CUBN: variants seen among roughly 807,000 people sequenced by gnomAD.
The protein encoded by CUBN is cubilin.
Under a neutral mutation model 405.3 loss-of-function variants are expected in CUBN, and 282 were observed. That is an observed-to-expected ratio of 0.70 (90% confidence interval 0.63 to 0.77). CUBN has a LOEUF of 0.77. Among genes scored for constraint, CUBN ranks in the 30% least tolerant of loss-of-function variants. The pLI is 0.00. For missense variants in CUBN, 4,514 were observed against 4,475.2 expected (o/e 1.01, Z -0.25); for synonymous variants, 1,684 against 1,617.0 (o/e 1.04, Z -0.99).
intron 33 of CUBN, among the ~76,000 whole-genome samples, chr10:16,952,037 C>T (rs1842935212): frequency 6.6e-6 from 1 of 152,062 alleles, no homozygotes; most frequent in Admixed American, 6.6e-5. Flanking sequence ...TTAACCTTTG[C>T]TAGGCCTTGA....
Position 17,104,455 on chromosome 10 carries a change from G to A in CUBN, c.1381C>T (p.Leu461Phe). 1 of 1,614,002 alleles carries A rather than the reference G, an allele frequency of 6.2e-7. No homozygotes were observed. Among genetic ancestry groups the A allele is most frequent in the East Asian group, 2.2e-5 (1 of 44,858 alleles). The change falls in exon 12 of 67, where the codon CTC (leucine) becomes TTC (phenylalanine). Residue 461 changes from leucine (L) to phenylalanine (F), a missense_variant. By Grantham distance (22) the Leu-to-Phe change is conservative. Coordinates refer to ENST00000377833, the MANE Select transcript of CUBN (RefSeq NM_001081.4). Reference sequence around the variant, plus strand: ...ACCTGACAGAGAGCTCCAGTCCAGAGACGTGTGCATTCACAACTGAAAGAA... The same window carrying A: ...ACCTGACAGAGAGCTCCAGTCCAGAAACGTGTGCATTCACAACTGAAAGAA... ...VDSFSCECTRLWTGALCQVPQ... is the reference protein window; with the variant it reads ...VDSFSCECTRFWTGALCQVPQ...
chr10:16,883,269 G>A (rs117358727), intron 56 of CUBN, among the ~76,000 whole-genome samples: 3,819 of 152,264 alleles, frequency 0.025, 66 homozygotes, highest in Non-Finnish European at 0.04. Context: ...ATACAGCTAA[G>A]TTCCATTGCG....
chr10:17,111,492 A>G (rs938077365), intron 8 of CUBN, among the ~76,000 whole-genome samples: 6 of 152,216 alleles, frequency 3.9e-5, no homozygotes, highest in African/African-American at 9.7e-5. Flanking sequence ...TCAATTATCA[A>G]TAGAAGCATA....
chr10:16,953,842 C>A (rs1842980596), intron 32 of CUBN, among the ~76,000 whole-genome samples: 1 of 146,252 alleles, frequency 6.8e-6, no homozygotes, highest in Non-Finnish European at 1.5e-5. Context: ...CAGAGAGAGA[C>A]CCTGTGGAAA....
intron 13 of CUBN, among the ~76,000 whole-genome samples, chr10:17,101,104 T>A (rs12240464): frequency 0.58 from 88,282 of 151,982 alleles, 26,697 homozygotes; most frequent in Non-Finnish European, 0.67. Context: ...AGGAATTTTT[T>A]AAATTCTGTG....
rs756032995 is a variant in CUBN, at chr10:17,046,098, G to C, written c.3330-4C>G. On this transcript the variant is annotated splice_polypyrimidine_tract_variant and splice_region_variant and intron_variant, in intron 23 of 66. Transcript: ENST00000377833. ...TGATTTTTCATAGCCTCCATCTCTG[G>C]CAGAATACAGAAATTAAAATTTATT... is the stretch of plus-strand genomic sequence containing the variant. 1 of 1,611,896 alleles carries C rather than the reference G, an allele frequency of 6.2e-7. No individual in the cohort carries two copies. The highest frequency in any genetic ancestry group is 8.5e-7 in the Non-Finnish European group (1 of 1,178,298).
intron 60 of CUBN, among the ~76,000 whole-genome samples, chr10:16,848,037 T>C (rs1839570723): frequency 6.6e-6 from 1 of 152,216 alleles, no homozygotes; most frequent in Admixed American, 6.5e-5. Context: ...TGGAAGGAAA[T>C]TGCTTTTCCA....
chr10:17,046,153 T>C (rs1835127897), intron 23 of CUBN, 59 bp from the exon 24 acceptor site: 1 of 1,479,768 alleles, frequency 6.8e-7, no homozygotes, highest in South Asian at 1.1e-5. Flanking sequence ...TGTATAAACA[T>C]TTAACATAAT....
chr10:16,830,835 C>T (rs1838965467), intron 65 of CUBN, among the ~76,000 whole-genome samples: 1 of 152,086 alleles, frequency 6.6e-6, no homozygotes, highest in Non-Finnish European at 1.5e-5. Flanking sequence ...GTGGCTCATG[C>T]CTGTAATCCC....
At chr10:16,846,541 G>A (rs1349041846) in intron 60 of CUBN, among the ~76,000 whole-genome samples, 1 of 152,146 alleles carries the variant, frequency 6.6e-6, no homozygotes, top group African/African-American at 2.4e-5. Flanking sequence ...TATGAAAAGG[G>A]GCAGTGACAC....
intron 29 of CUBN, among the ~76,000 whole-genome samples, chr10:16,989,826 T>G (rs1004735450): frequency 6.6e-6 from 1 of 152,214 alleles, no homozygotes; most frequent in African/African-American, 2.4e-5. Flanking sequence ...GCGGCAGCCC[T>G]GGTAGGCCAT....
At chr10:17,073,604 G>A (rs1202835463) in intron 17 of CUBN, among the ~76,000 whole-genome samples, 5 of 152,076 alleles carry the variant, frequency 3.3e-5, no homozygotes, top group African/African-American at 7.2e-5. Context: ...GTGCCACCAC[G>A]CCCAGCTAGT....
In CUBN at chr10:16,928,281, C is replaced by T; in HGVS notation, c.6147G>A (p.Gln2049=). The T allele has an allele frequency of 1.2e-6, 2 of 1,613,922 alleles. No individual in the cohort carries two copies. The highest frequency in any genetic ancestry group is 1.7e-6 in the Non-Finnish European group (2 of 1,179,912). Residue 2049 remains glutamine (Q), a synonymous_variant, in exon 41 of 67, where the codon CAG becomes CAA. Coordinates refer to ENST00000377833, the MANE Select transcript of CUBN (RefSeq NM_001081.4). ...IRDGDNNLAQ[Q]LAVLCGREIP... Reference sequence around the variant, plus strand: ...TCTCTCTGCCACAGAGAACTGCTAGCTGCTGGGCCAAGTTATTATCTCCTA... The same window carrying T: ...TCTCTCTGCCACAGAGAACTGCTAGTTGCTGGGCCAAGTTATTATCTCCTA...
intron 4 of CUBN, among the ~76,000 whole-genome samples, chr10:17,125,163 G>A (rs1308324678): frequency 6.6e-6 from 1 of 151,742 alleles, no homozygotes; most frequent in East Asian, 1.9e-4. Flanking sequence ...TTAAAATAGG[G>A]GCAAACTGTT....
chr10:17,058,543 A>G (rs1432947940), intron 22 of CUBN, among the ~76,000 whole-genome samples: 1 of 152,162 alleles, frequency 6.6e-6, no homozygotes, highest in Non-Finnish European at 1.5e-5. Context: ...CACGTATTAA[A>G]CAATAGGATA....
At chr10:17,005,836 C>A (rs1028083521) in intron 28 of CUBN, among the ~76,000 whole-genome samples, 5 of 152,132 alleles carry the variant, frequency 3.3e-5, no homozygotes, top group African/African-American at 1.2e-4. Context: ...ACTCCCAGAC[C>A]TCAGAATGTG....
chr10:17,102,984 A>T (rs1162449200), intron 13 of CUBN, 141 bp downstream of exon 13: 1 of 672,918 alleles, frequency 1.5e-6, no homozygotes, highest in African/African-American at 1.8e-5. Flanking sequence ...AGCCAAAATA[A>T]TGGCACTCCG....
At chr10:17,035,507 A>G (rs1834876431) in intron 27 of CUBN, among the ~76,000 whole-genome samples, 1 of 152,160 alleles carries the variant, frequency 6.6e-6, no homozygotes, top group South Asian at 2.1e-4. Context: ...TTAGAAGATA[A>G]AAGAGTCAAC....
At chr10:16,996,223 A>G (rs189344318) in intron 28 of CUBN, among the ~76,000 whole-genome samples, 64 of 152,364 alleles carry the variant, frequency 4.2e-4, no homozygotes, top group African/African-American at 1.4e-3. Context: ...AACAGAATAC[A>G]TCATTAGACA....
Sources: gnomAD v4.1 joint callset for allele counts (sites outside exome capture counted in the v4.1 genomes callset) on GRCh38, gnomAD v4.1.1 for gene constraint, MANE v1.5 for transcripts, NCBI Gene and HGNC (gene_info 2026-07-23, HGNC 2026-07-21) for gene names.